HELQ: variants seen among roughly 807,000 people sequenced by gnomAD.
HELQ encodes helicase POLQ-like.
In HELQ, 77 loss-of-function variants were observed where a neutral mutation model predicts 111.6. That is an observed-to-expected ratio of 0.69 (90% CI 0.57 to 0.83). The LOEUF (loss-of-function observed/expected upper bound fraction) is 0.83. HELQ is among the 40% of genes least tolerant of loss of function. HELQ has a pLI of 0.00. For synonymous variants in HELQ, 438 were observed against 454.7 expected (o/e 0.96, Z 0.47); for missense variants, 1,200 against 1,288.5 (o/e 0.93, Z 1.05).
intron 2 of HELQ, among the ~76,000 whole-genome samples, chr4:83,449,868 C>CA (rs35086534): frequency 0.38 from 51,935 of 137,056 alleles, 9,934 homozygotes; most frequent in Admixed American, 0.47. Context: ...AAATAACTAT[C>CA]AAAAAAAAAA....
rs1239903829 is a variant in HELQ, at chr4:83,415,947, A to ATT, written c.3198+782_3198+783dup. Among the ~76,000 whole-genome samples, 331 of 93,536 alleles carry ATT rather than the reference A, an allele frequency of 3.5e-3. 1 individual carries two copies. The highest frequency in any genetic ancestry group is 0.023 in the Middle Eastern group (2 of 88). 61.4% of individuals were successfully genotyped at this position (93,536 alleles called of 152,430 possible). ...TAGGTGTGAGCCACCGAACCCAGCC[A>ATT]TTTTTTTTTTTTTTTTTGAGACAGA... is the stretch of plus-strand genomic sequence containing the variant. On this transcript the variant is annotated intron_variant, in intron 17 of 17. Coordinates refer to ENST00000295488, the MANE Select transcript of HELQ (RefSeq NM_133636.5).
chr4:83,417,131 T>A (rs1347324219), intron 16 of HELQ, among the ~76,000 whole-genome samples: 1 of 152,122 alleles, frequency 6.6e-6, no homozygotes, highest in African/African-American at 2.4e-5. Context: ...CTTAGGTTGG[T>A]GGCATCATCT....
intron 2 of HELQ, among the ~76,000 whole-genome samples, chr4:83,449,585 T>C (rs1721238932): frequency 3.3e-5 from 5 of 152,122 alleles, no homozygotes; most frequent in Admixed American, 2.6e-4. Context: ...TTCATGAAAA[T>C]AGATCAGATC....
At chr4:83,438,757 A>G (rs1720601470) in intron 8 of HELQ, among the ~76,000 whole-genome samples, 1 of 151,570 alleles carries the variant, frequency 6.6e-6, no homozygotes, top group East Asian at 1.9e-4. Context: ...GGAAAAAAAA[A>G]AAAAAAAAAG....
chr4:83,454,372 A>G (rs1346331426), intron 1 of HELQ, among the ~76,000 whole-genome samples: 1 of 152,134 alleles, frequency 6.6e-6, no homozygotes, highest in Non-Finnish European at 1.5e-5. Flanking sequence ...TTGCCTAAAC[A>G]GCAGGTTCAG....
At chr4:83,416,013 C>G (rs921680199) in intron 17 of HELQ, among the ~76,000 whole-genome samples, 2 of 148,702 alleles carry the variant, frequency 1.3e-5, no homozygotes, top group Non-Finnish European at 3.0e-5. Context: ...GTGGTATGAT[C>G]TCGGCTCACT....
intron 14 of HELQ, among the ~76,000 whole-genome samples, chr4:83,424,661 G>C (rs1036432207): frequency 2.6e-5 from 4 of 152,026 alleles, no homozygotes; most frequent in African/African-American, 7.2e-5. Context: ...CAGATCACGT[G>C]AGTCTCCTGC....
intron 5 of HELQ, among the ~76,000 whole-genome samples, chr4:83,445,622 T>C (rs1485877892): frequency 6.6e-6 from 1 of 152,172 alleles, no homozygotes; most frequent in East Asian, 1.9e-4. Context: ...ATGGTGATGA[T>C]GATGATGGCC....
chr4:83,446,349 C>T (rs1721046876), intron 4 of HELQ, among the ~76,000 whole-genome samples: 1 of 152,118 alleles, frequency 6.6e-6, no homozygotes, highest in Non-Finnish European at 1.5e-5. Flanking sequence ...TCTTGACCCC[C>T]AGGCTGGAGT....
chr4:83,412,718 T>C (rs1329817759), intron 17 of HELQ, among the ~76,000 whole-genome samples: 5 of 152,010 alleles, frequency 3.3e-5, no homozygotes, highest in Non-Finnish European at 7.4e-5. Flanking sequence ...TAGCTACTCA[T>C]GAGGCTGAGA....
intron 17 of HELQ, among the ~76,000 whole-genome samples, chr4:83,416,433 C>G (rs1428278847): frequency 6.6e-6 from 1 of 152,022 alleles, no homozygotes; most frequent in Non-Finnish European, 1.5e-5. Context: ...GTTGCCCAGG[C>G]TGGTCTCAAA....
chr4:83,435,954 G>C (rs1255336011), intron 9 of HELQ, among the ~76,000 whole-genome samples: 2 of 137,314 alleles, frequency 1.5e-5, no homozygotes, highest in Non-Finnish European at 3.1e-5. Context: ...TAAAAGAATG[G>C]AAAAAGGTAC....
At chr4:83,426,531 T>C (rs1404089022) in intron 13 of HELQ, among the ~76,000 whole-genome samples, 1 of 151,626 alleles carries the variant, frequency 6.6e-6, no homozygotes, top group Non-Finnish European at 1.5e-5. Flanking sequence ...TTAAAAGATG[T>C]ATACTACCTC....
At chr4:83,435,575 T>TAA (rs10711036) in intron 9 of HELQ, among the ~76,000 whole-genome samples, 1 of 140,966 alleles carries the variant, frequency 7.1e-6, no homozygotes. Flanking sequence ...AAGGCAAAAT[T>TAA]AAAAAAAAAA....
chr4:83,410,995 A>AT (rs1349937778), intron 17 of HELQ, among the ~76,000 whole-genome samples: 8 of 151,654 alleles, frequency 5.3e-5, no homozygotes, highest in African/African-American at 1.9e-4. Context: ...TAAAAAAAAA[A>AT]AAAAAATTAC....
In HELQ at chr4:83,453,650, G is replaced by T; in HGVS notation, c.593C>A (p.Ser198Ter). The T allele has an allele frequency of 6.2e-7, 1 of 1,614,096 alleles. No individual in the cohort carries two copies. The highest frequency in any genetic ancestry group is 8.5e-7 in the Non-Finnish European group (1 of 1,179,960). Reference protein sequence around the residue: ...GADLLYDVPSSQAIYFENLQN... With the variant: ...GADLLYDVPS Reference sequence around the variant, plus strand: ...CAAATTTTCAAAGTATATAGCCTGTGAGGAAGGTACATCATACAAAAGATC... The same window carrying T: ...CAAATTTTCAAAGTATATAGCCTGTTAGGAAGGTACATCATACAAAAGATC... Residue 198 changes from serine to a stop codon, truncating the protein, a stop_gained, in exon 2 of 18, where the codon TCA becomes TAA. Transcript: ENST00000295488. LOFTEE classifies it high-confidence loss of function.
rs547450574 is a variant in HELQ, at chr4:83,411,730, T to A, written c.3199-4170A>T. Among the ~76,000 whole-genome samples the A allele has an allele frequency of 2.0e-5, 3 of 152,020 alleles. No individual in the cohort carries two copies. The South Asian group carries it at 6.2e-4, about 32-fold the overall frequency. ...TGATCATAGCTGATTGCAGCCTTCA[T>A]CTCCCAGGCTCAAATGATCCTCCCA... On this transcript the variant is annotated intron_variant, in intron 17 of 17. Transcript: ENST00000295488.
rs890132012 is a variant in HELQ at position 83,446,092 on chromosome 4, A to C, written c.1393-6T>G. The C allele has an allele frequency of 1.3e-5, 21 of 1,609,094 alleles. No homozygotes were observed. The African/African-American group carries it at 2.4e-4, about 18-fold the overall frequency. ...CCTTCACCAATCATGTGCAACTTCG[A>C]GATTTTTTTTAAAAAGGACAGAGAA... On this transcript the variant is annotated splice_polypyrimidine_tract_variant and splice_region_variant and intron_variant, in intron 4 of 17. Transcript: ENST00000295488.
intron 2 of HELQ, among the ~76,000 whole-genome samples, chr4:83,450,342 TTCAAGATGAGCCCA>T (rs1721289591): frequency 1.3e-5 from 2 of 149,440 alleles, no homozygotes; most frequent in South Asian, 4.3e-4. Flanking sequence ...AGACCAGGAT[TTCAAGATGAGCCCA>T]TCTCTATTAA....
Sources: allele counts gnomAD v4.1 joint callset (sites outside exome capture counted in the v4.1 genomes callset), GRCh38; gene constraint gnomAD v4.1.1; transcripts MANE v1.5; gene names NCBI Gene and HGNC (gene_info 2026-07-23, HGNC 2026-07-21).